Variants in PTX4 observed in about 807,000 individuals in gnomAD.
PTX4 encodes pentraxin 4, also known as pentraxin-4.
Under a neutral mutation model 19.1 loss-of-function variants are expected in PTX4, and 23 were observed. The ratio of observed to expected loss-of-function variants is 1.20; its 90% confidence interval spans 0.87 to 1.70. The LOEUF (loss-of-function observed/expected upper bound fraction) is 1.70, where lower values mean the gene tolerates loss of function less well. Among genes scored for constraint, PTX4 ranks in the 40% most tolerant of loss-of-function variants. PTX4 has a pLI of 0.00. For missense variants in PTX4, 678 were observed against 610.5 expected, an observed-to-expected ratio of 1.11 and a Z score of -1.17; for synonymous variants, 317 against 279.6, an observed-to-expected ratio of 1.13 and a Z score of -1.33.
Position 1,486,266 on chromosome 16 carries a change from G to T in PTX4, c.1110C>A (p.Thr370=). Residue 370 remains threonine, a synonymous_variant, in exon 3 of 3, where the codon ACC becomes ACA. Coordinates refer to ENST00000447419, the MANE Select transcript of PTX4 (RefSeq NM_001328608.2). ...WHHICVIWTS[T]QGRYWLHVDR... Reference sequence around the variant, plus strand: ...CCACGTGGAGCCAGTACCTGCCCTGGGTGGACGTCCAGATGACACAGATGT... The same window carrying T: ...CCACGTGGAGCCAGTACCTGCCCTGTGTGGACGTCCAGATGACACAGATGT... 6.2e-7 allele frequency: 1 copy of T among 1,613,090 alleles called. No individual in the cohort carries two copies. The highest frequency in any genetic ancestry group is 1.1e-5 in the South Asian group (1 of 90,968).
Position 1,486,561 on chromosome 16 carries a change from G to C in PTX4, c.815C>G (p.Thr272Ser). Reference sequence around the variant, plus strand: ...GGTGGAGGCGTTTGGGAAAACGAGGGTGGGGCCCACGCCGCAAACTAGAAA... The same window carrying C: ...GGTGGAGGCGTTTGGGAAAACGAGGCTGGGGCCCACGCCGCAAACTAGAAA... ...VPGEICGVGP[T>S]LVFPNASTRN... Residue 272 changes from threonine (T) to serine (S), a missense_variant, in exon 3 of 3, where the codon ACC (threonine) becomes AGC (serine). Physicochemically the swap from Thr to Ser is moderately conservative, Grantham distance 58 (BLOSUM62 1). Coordinates refer to ENST00000447419, the MANE Select transcript of PTX4 (RefSeq NM_001328608.2). The C allele has an allele frequency of 6.4e-7, 1 of 1,553,906 alleles. No homozygotes were observed.
rs768494611 is a variant in PTX4 at position 1,486,241 on chromosome 16, C to A, written c.1135G>T (p.Asp379Tyr). 1.9e-6 allele frequency: 3 copies of A among 1,612,076 alleles called. No homozygotes were observed. Among genetic ancestry groups the A allele is most frequent in the Non-Finnish European group, 2.5e-6 (3 of 1,179,148 alleles). The change falls in exon 3 of 3, where the codon GAT (aspartate) becomes TAT (tyrosine). Residue 379 changes from aspartate to tyrosine, a missense_variant. Transcript: ENST00000447419. ...GAGCCGGTGGCCACCAGCCTGCGAT[C>A]CACGTGGAGCCAGTACCTGCCCTGG... ...STQGRYWLHV[D>Y]RRLVATGSRF...
intron 2 of PTX4, among the ~76,000 whole-genome samples, chr16:1,486,802 A>G (rs1596239481): frequency 6.6e-6 from 1 of 152,240 alleles, no homozygotes; most frequent in African/African-American, 2.4e-5. Context: ...TGAGGGCCGT[A>G]CTCGGGAGTG....
Position 1,488,355 on chromosome 16 carries a change from G to A in PTX4, c.142-385C>T, listed in dbSNP as rs199725289. On this transcript the variant is annotated intron_variant, in intron 1 of 2. Transcript: ENST00000447419. ...AACAGGAAGCACCCAGCGCAGGCCC[G>A]ACAGGCCCACAGCACTCCGGAACTG... is the stretch of plus-strand genomic sequence containing the variant. The A allele has an allele frequency of 2.0e-5, 33 of 1,613,656 alleles. No homozygotes were observed. In the East Asian group the frequency reaches 4.2e-4, roughly 21 times the overall value.
intron 1 of PTX4, 66 bp from the exon 2 acceptor site, chr16:1,488,036 CTT>C (rs2039266498): frequency 2.7e-6 from 4 of 1,472,446 alleles, no homozygotes; most frequent in African/African-American, 1.4e-5. Flanking sequence ...ACGGGAAAGG[CTT>C]TGCCCTCTCA....
rs769262857 is a variant in PTX4, at chr16:1,487,321, C to T, written c.791G>A (p.Gly264Glu). The part of the protein sequence containing the change: ...RQQAWSPQVP[G>E]EICGVGPTLV... ...TGGGAGCCTGTGGTACTTACTCTCT[C>T]CTGGCACCTGGGGGGACCATGCCTG... is the stretch of plus-strand genomic sequence containing the variant. Residue 264 changes from glycine (G) to glutamate (E), a missense_variant, in exon 2 of 3, where the codon GGA becomes GAA. Physicochemically the swap from Gly to Glu is moderately conservative, Grantham distance 98 (BLOSUM62 -2). Transcript: ENST00000447419. 1.3e-6 allele frequency: 2 copies of T among 1,543,228 alleles called. No individual in the cohort carries two copies. Among genetic ancestry groups the T allele is most frequent in the Non-Finnish European group, 1.7e-6 (2 of 1,151,192 alleles).
chr16:1,488,201 C>A, intron 1 of PTX4: 1 of 1,313,872 alleles, frequency 7.6e-7, no homozygotes. Flanking sequence ...GACTCCAGGC[C>A]CACAGCTGGG....
chr16:1,487,181 C>A (rs746246416), intron 2 of PTX4, 135 bp downstream of exon 2: 201 of 833,044 alleles, frequency 2.4e-4, no homozygotes, highest in Non-Finnish European at 3.1e-4. Flanking sequence ...GGCCACCCCC[C>A]CCGATGATCC....
intron 2 of PTX4, 59 bp downstream of exon 2, chr16:1,487,257 T>TG: frequency 7.1e-7 from 1 of 1,410,594 alleles, no homozygotes; most frequent in East Asian, 2.7e-5. Flanking sequence ...CCAGGGGGCC[T>TG]GGTCTAAGGA....
rs1596239242 is a variant in PTX4, at chr16:1,486,418, C to T, written c.958G>A (p.Asp320Asn). ...TGCAGCACCAGCTTGTTGTCATTGT[C>T]CTCGGTGGCGTAGGACAGGAGGGTG... ...LGTLLSYATE[D>N]NDNKLVLHGR... is the part of the protein sequence containing the mutation. Residue 320 changes from aspartate to asparagine, a missense_variant, in exon 3 of 3, where the codon GAC becomes AAC. By Grantham distance (23) the Asp-to-Asn change is conservative (BLOSUM62 1). Transcript: ENST00000447419. The T allele has an allele frequency of 6.2e-7, 1 of 1,614,066 alleles. No homozygotes were observed. The highest frequency in any genetic ancestry group is 8.5e-7 in the Non-Finnish European group (1 of 1,180,022).
In PTX4 at chr16:1,487,395, T is replaced by C; in HGVS notation, c.717A>G (p.Ser239=). The change falls in exon 2 of 3, where the codon TCA becomes TCG. Residue 239 remains serine (S), a synonymous_variant. Coordinates refer to ENST00000447419, the MANE Select transcript of PTX4 (RefSeq NM_001328608.2). ...PLQGRREPPA[S]GSHRVLSGTA... is the part of the protein sequence containing the mutation. ...TCCCACTGAGTACCCGATGGCTGCC[T>C]GAGGCTGGAGGCTCCCGCCTCCCTT... The C allele has an allele frequency of 6.5e-7, 1 of 1,544,282 alleles. No homozygotes were observed. The highest frequency in any genetic ancestry group is 8.7e-7 in the Non-Finnish European group (1 of 1,151,760).
At position 1,486,341 on chromosome 16, in the gene PTX4, C is replaced by G. The variant is rs776248270; in HGVS notation, c.1035G>C (p.Pro345=). 6.2e-7 allele frequency: 1 copy of G among 1,613,826 alleles called. No homozygotes were observed. Among genetic ancestry groups the G allele is most frequent in the Non-Finnish European group, 8.5e-7 (1 of 1,179,976 alleles). ...PGSIHFVIGD[P]AFRELPLQLL... ...GCTGCAAGGGCAGCTCCCTGAAGGCCGGGTCCCCGATCACGAAGTGGATGG... is the reference window on the plus strand; with the variant it reads ...GCTGCAAGGGCAGCTCCCTGAAGGCGGGGTCCCCGATCACGAAGTGGATGG... The change falls in exon 3 of 3, where the codon CCG becomes CCC. Residue 345 remains proline (P), a synonymous_variant. Coordinates refer to ENST00000447419, the MANE Select transcript of PTX4 (RefSeq NM_001328608.2).
rs112830794 is a variant in PTX4 at position 1,487,453 on chromosome 16, CT to C, written c.658del (p.Arg220GlyfsTer122). ...RQELRAASEH[R>X]GPPQDSSAPL... ...GGCCGAGGAGTCCTGTGGGGGGCCC[CT>C]GTGCTCAGAGGCAGCTCGGAGCTCC... On this transcript the variant is annotated frameshift_variant, in exon 2 of 3. Transcript: ENST00000447419. LOFTEE classifies it high-confidence loss of function. 78 of 1,513,178 alleles carry C rather than the reference CT, an allele frequency of 5.2e-5. No individual in the cohort carries two copies. The highest frequency in any genetic ancestry group is 4.5e-4 in the South Asian group (34 of 74,958). The allele number at this position is 1,513,178 out of a possible 1,614,324, so 93.7% of individuals were successfully genotyped here.
chr16:1,487,515 C>T lies in PTX4; in HGVS notation c.597G>A (p.Leu199=), dbSNP rs1397832876. ...TCTGAAGCTTCAGGGAGGTCGGGCC[C>T]AGCTCCTCAGGCTGGGTTGGGGTTG... The part of the protein sequence containing the change: ...LVPTPTQPEE[L]GPTSLKLQRD... The change falls in exon 2 of 3, where the codon CTG becomes CTA. Residue 199 remains leucine (L), a synonymous_variant. Coordinates refer to ENST00000447419, the MANE Select transcript of PTX4 (RefSeq NM_001328608.2). The T allele has an allele frequency of 4.0e-6, 6 of 1,512,384 alleles. No homozygotes were observed. Among genetic ancestry groups the T allele is most frequent in the Admixed American group, 4.5e-5 (2 of 44,366 alleles). The allele number at this position is 1,512,384 out of a possible 1,614,324, so 93.7% of individuals were successfully genotyped here.
chr16:1,488,798 A>G lies in PTX4; in HGVS notation c.112T>C (p.Phe38Leu). 3 of 702,176 alleles carry G rather than the reference A, an allele frequency of 4.3e-6. No homozygotes were observed. The highest frequency in any genetic ancestry group is 5.2e-6 in the Non-Finnish European group (2 of 384,380). The allele number at this position is 702,176 out of a possible 1,614,324, so 43.5% of individuals were successfully genotyped here. ...AAPVGPRKPF[F>L]ERLRRLEEQF... ...TCCTCCAGCCTACGGAGCCTCTCGA[A>G]AAACGGTTTCCTGGGCCCCACTGGG... The change falls in exon 1 of 3, where the codon TTC becomes CTC. Residue 38 changes from phenylalanine (F) to leucine (L), a missense_variant. Phe to Leu is a conservative substitution (Grantham distance 22, BLOSUM62 0). Coordinates refer to ENST00000447419, the MANE Select transcript of PTX4 (RefSeq NM_001328608.2).
chr16:1,487,532 T>A lies in PTX4; in HGVS notation c.580A>T (p.Thr194Ser), dbSNP rs767847539. 4 of 1,515,968 alleles carry A rather than the reference T, an allele frequency of 2.6e-6. No individual in the cohort carries two copies. The highest frequency in any genetic ancestry group is 2.6e-6 in the Non-Finnish European group (3 of 1,133,228). 93.9% of individuals were successfully genotyped at this position (1,515,968 alleles called of 1,614,324 possible). Residue 194 changes from threonine (T) to serine (S), a missense_variant, in exon 2 of 3, where the codon ACC becomes TCC. Transcript: ENST00000447419. ...ALGPALVPTP[T>S]QPEELGPTSL... ...GTCGGGCCCAGCTCCTCAGGCTGGG[T>A]TGGGGTTGGGACCAGGGCCGGCCCG...
rs764104979 is a variant in PTX4 at position 1,487,667 on chromosome 16, C to T, written c.445G>A (p.Ala149Thr). 29 of 1,601,212 alleles carry T rather than the reference C, an allele frequency of 1.8e-5. 1 individual carries two copies. Among genetic ancestry groups the T allele is most frequent in the South Asian group, 1.1e-4 (10 of 90,046 alleles). ...ERKAHKAQRD[A>T]LQDSLARLEG... Reference sequence around the variant, plus strand: ...AGGCGTGCCAGTGAGTCCTGCAGGGCGTCCCTCTGGGCCTTGTGTGCCTTC... The same window carrying T: ...AGGCGTGCCAGTGAGTCCTGCAGGGTGTCCCTCTGGGCCTTGTGTGCCTTC... Residue 149 changes from alanine to threonine, a missense_variant, in exon 2 of 3, where the codon GCC becomes ACC. Physicochemically the swap from Ala to Thr is moderately conservative, Grantham distance 58. Transcript: ENST00000447419.
Position 1,487,936 on chromosome 16 carries a change from A to G in PTX4, c.176T>C (p.Leu59Pro), listed in dbSNP as rs992719723. ...GTTGTAGTTGCTGGCGATGTTCTGC[A>G]GGTGTGTCCAGGTCACCTCCTGGAA... The part of the protein sequence containing the change: ...RRFQEVTWTH[L>P]QNIASNYNVS... The change falls in exon 2 of 3, where the codon CTG (leucine) becomes CCG (proline). Residue 59 changes from leucine (L) to proline (P), a missense_variant. Leu to Pro is a moderately conservative substitution (Grantham distance 98). Transcript: ENST00000447419. 6.3e-7 allele frequency: 1 copy of G among 1,596,730 alleles called. No individual in the cohort carries two copies. Among genetic ancestry groups the G allele is most frequent in the African/African-American group, 1.3e-5 (1 of 74,460 alleles).
intron 1 of PTX4, chr16:1,488,374 G>A (rs780559425): frequency 1.2e-5 from 19 of 1,613,748 alleles, no homozygotes; most frequent in African/African-American, 1.1e-4. Flanking sequence ...ACAGCACTCC[G>A]GAACTGTCCG....
Sources: gnomAD v4.1 joint callset for allele counts (sites outside exome capture counted in the v4.1 genomes callset) on GRCh38, gnomAD v4.1.1 for gene constraint, MANE v1.5 for transcripts, NCBI Gene and HGNC (gene_info 2026-07-23, HGNC 2026-07-21) for gene names.